HS6ST3: variants seen among roughly 807,000 people sequenced by gnomAD.
HS6ST3 encodes the protein heparan sulfate 6-O-sulfotransferase 3.
HS6ST3 carries 12 observed loss-of-function variants against 36.7 expected under a neutral mutation model. The observed-to-expected ratio is 0.33, with a 90% CI of 0.21 to 0.53. The LOEUF (loss-of-function observed/expected upper bound fraction) is 0.53. Among genes scored for constraint, HS6ST3 ranks in the 20% least tolerant of loss-of-function variants. HS6ST3 has a pLI of 0.95. For missense variants in HS6ST3, 584 were observed against 640.9 expected (o/e 0.91, Z 0.96); for synonymous variants, 240 against 257.5 (o/e 0.93, Z 0.65).
intron 1 of HS6ST3, among the ~76,000 whole-genome samples, chr13:96,663,217 T>C (rs761460829): frequency 1.3e-5 from 2 of 152,108 alleles, no homozygotes; most frequent in Non-Finnish European, 2.9e-5. Flanking sequence ...GGGGATGTGA[T>C]CTGTTTCCTT....
At chr13:96,534,774 C>T (rs1279171859) in intron 1 of HS6ST3, among the ~76,000 whole-genome samples, 1 of 152,142 alleles carries the variant, frequency 6.6e-6, no homozygotes, top group East Asian at 1.9e-4. Flanking sequence ...GCCTGGCCAA[C>T]ATGGTGAAAC....
intron 1 of HS6ST3, among the ~76,000 whole-genome samples, chr13:96,224,531 A>T (rs754384448): frequency 1.3e-5 from 2 of 152,088 alleles, no homozygotes; most frequent in Non-Finnish European, 2.9e-5. Context: ...GCTCAGGCTG[A>T]TCTTGAACTC....
At chr13:96,473,525 G>A (rs1363535974) in intron 1 of HS6ST3, among the ~76,000 whole-genome samples, 1 of 152,158 alleles carries the variant, frequency 6.6e-6, no homozygotes, top group Non-Finnish European at 1.5e-5. Flanking sequence ...CTAAGTGTCT[G>A]GCATCGCTAC....
chr13:96,205,627 C>A (rs999552810), intron 1 of HS6ST3, among the ~76,000 whole-genome samples: 1 of 152,158 alleles, frequency 6.6e-6, no homozygotes, highest in African/African-American at 2.4e-5. Flanking sequence ...GCTTATCCAC[C>A]ACGATCAAGT....
chr13:96,375,590 G>A (rs1460981369), intron 1 of HS6ST3, among the ~76,000 whole-genome samples: 1 of 152,208 alleles, frequency 6.6e-6, no homozygotes, highest in Non-Finnish European at 1.5e-5. Context: ...CTGGGTCAGT[G>A]TGTATAGCAG....
chr13:96,779,312 G>GT (rs1787921562), intron 1 of HS6ST3, among the ~76,000 whole-genome samples: 1 of 138,702 alleles, frequency 7.2e-6, no homozygotes, highest in Admixed American at 6.9e-5. Context: ...AGAACTTAAA[G>GT]TATCAATAAT....
intron 1 of HS6ST3, among the ~76,000 whole-genome samples, chr13:96,713,837 A>T (rs1202741154): frequency 6.6e-6 from 1 of 152,150 alleles, no homozygotes; most frequent in Non-Finnish European, 1.5e-5. Flanking sequence ...AGAAGACCTG[A>T]TAATAAAAAA....
intron 1 of HS6ST3, among the ~76,000 whole-genome samples, chr13:96,254,767 A>G (rs1039466147): frequency 2.6e-5 from 4 of 152,150 alleles, no homozygotes; most frequent in Admixed American, 2.6e-4. Context: ...AGTCTAGCTT[A>G]GCAAAACCAA....
intron 1 of HS6ST3, among the ~76,000 whole-genome samples, chr13:96,653,563 C>A (rs2056614797): frequency 6.6e-6 from 1 of 152,078 alleles, no homozygotes; most frequent in African/African-American, 2.4e-5. Context: ...GGCTGCATAG[C>A]AATCCATGGT....
At chr13:96,307,535 T>C (rs1298427155) in intron 1 of HS6ST3, among the ~76,000 whole-genome samples, 1 of 152,170 alleles carries the variant, frequency 6.6e-6, no homozygotes, top group Non-Finnish European at 1.5e-5. Flanking sequence ...AGGCTTGAGA[T>C]GACTTCTGAA....
intron 1 of HS6ST3, among the ~76,000 whole-genome samples, chr13:96,742,600 C>A (rs556909780): frequency 6.6e-6 from 1 of 152,202 alleles, no homozygotes; most frequent in African/African-American, 2.4e-5. Flanking sequence ...CTTAAAAGAA[C>A]AAGAGCACAC....
chr13:96,515,999 T>C (rs2056070804), intron 1 of HS6ST3, among the ~76,000 whole-genome samples: 1 of 152,148 alleles, frequency 6.6e-6, no homozygotes, highest in Admixed American at 6.5e-5. Context: ...TTTTGTTGCA[T>C]TGTTATTCTA....
intron 1 of HS6ST3, among the ~76,000 whole-genome samples, chr13:96,500,648 C>T (rs555705649): frequency 1.7e-4 from 26 of 152,276 alleles, no homozygotes; most frequent in Non-Finnish European, 3.1e-4. Flanking sequence ...GTGATAGTCA[C>T]TCTCTTCTGC....
intron 1 of HS6ST3, among the ~76,000 whole-genome samples, chr13:96,445,134 G>T (rs997238789): frequency 6.6e-6 from 1 of 152,194 alleles, no homozygotes; most frequent in Admixed American, 6.5e-5. Context: ...AAATTGGAAA[G>T]AAATAGGTAA....
intron 1 of HS6ST3, among the ~76,000 whole-genome samples, chr13:96,191,103 T>C (rs1408812229): frequency 6.6e-6 from 1 of 152,194 alleles, no homozygotes; most frequent in Non-Finnish European, 1.5e-5. Context: ...ATCTGTGACT[T>C]TCTGTTTCCA....
chr13:96,163,705 TA>T (rs1289400972), intron 1 of HS6ST3, among the ~76,000 whole-genome samples: 1 of 152,146 alleles, frequency 6.6e-6, no homozygotes, highest in Non-Finnish European at 1.5e-5. Flanking sequence ...AATAGCTTAA[TA>T]AAAAACCCTT....
intron 1 of HS6ST3, among the ~76,000 whole-genome samples, chr13:96,331,627 T>C (rs2055068422): frequency 6.6e-6 from 1 of 152,144 alleles, no homozygotes; most frequent in African/African-American, 2.4e-5. Context: ...GTTACTGCTG[T>C]CTTTTTGTTT....
intron 1 of HS6ST3, among the ~76,000 whole-genome samples, chr13:96,751,078 A>T (rs919847468): frequency 6.6e-6 from 1 of 152,148 alleles, no homozygotes; most frequent in African/African-American, 2.4e-5. Flanking sequence ...TACCCTCATC[A>T]TATGTTTTGA....
chr13:96,322,228 G>C (rs898107105), intron 1 of HS6ST3, among the ~76,000 whole-genome samples: 1 of 151,844 alleles, frequency 6.6e-6, no homozygotes, highest in Non-Finnish European at 1.5e-5. Context: ...TCTCTATTTG[G>C]TTATCCATAT....
Sources: gnomAD v4.1 joint callset for allele counts (sites outside exome capture counted in the v4.1 genomes callset) on GRCh38, gnomAD v4.1.1 for gene constraint, MANE v1.5 for transcripts, NCBI Gene and HGNC (gene_info 2026-07-23, HGNC 2026-07-21) for gene names.